ST8SIA2: variants seen among roughly 807,000 people sequenced by gnomAD.
ST8SIA2 encodes the protein ST8 alpha-N-acetyl-neuraminide alpha-2,8-sialyltransferase 2.
In ST8SIA2, 22 loss-of-function variants were observed where a neutral mutation model predicts 37.6. The observed-to-expected ratio is 0.58, with a 90% confidence interval of 0.42 to 0.83. The LOEUF is 0.83. Among genes scored for constraint, ST8SIA2 ranks in the 40% least tolerant of loss-of-function variants. The pLI is 0.00. For synonymous variants in ST8SIA2, 205 were observed against 201.2 expected, an observed-to-expected ratio of 1.02 and a Z score of -0.16; for missense variants, 382 against 484.7, an observed-to-expected ratio of 0.79 and a Z score of 1.99.
At chr15:92,409,258 T>A (rs1175897016) in intron 1 of ST8SIA2, among the ~76,000 whole-genome samples, 16 of 152,110 alleles carry the variant, frequency 1.1e-4, no homozygotes. Flanking sequence ...ACCTCCTCAG[T>A]CTTGTATTAG....
At chr15:92,437,702 G>A (rs1220754851) in intron 3 of ST8SIA2, among the ~76,000 whole-genome samples, 1 of 152,108 alleles carries the variant, frequency 6.6e-6, no homozygotes, top group Non-Finnish European at 1.5e-5. Context: ...CCCCCAGAAA[G>A]CCCCTTTGCA....
At chr15:92,406,586 G>A (rs952151039) in intron 1 of ST8SIA2, among the ~76,000 whole-genome samples, 10 of 152,230 alleles carry the variant, frequency 6.6e-5, no homozygotes, top group African/African-American at 1.9e-4. Flanking sequence ...TCTACAGAGC[G>A]CCTGCCCTAA....
In ST8SIA2 at chr15:92,428,159, A is replaced by T. The variant is rs76589571; in HGVS notation, c.99-1890A>T. Among the ~76,000 whole-genome samples the T allele has an allele frequency of 7.4e-3, 1,132 of 152,250 alleles. 5 individuals are homozygous for T. Among genetic ancestry groups the T allele is most frequent in the Non-Finnish European group, 0.012 (792 of 68,010 alleles). On this transcript the variant is annotated intron_variant, in intron 1 of 5. Transcript: ENST00000268164. ...GTTTTTTTAAATAACTTTGTAATCA[A>T]GACATGAAACCTGATTTCACAGAGG...
At chr15:92,438,718 T>A in intron 4 of ST8SIA2, 108 bp downstream of exon 4, 1 of 1,412,834 alleles carries the variant, frequency 7.1e-7, no homozygotes, top group Non-Finnish European at 9.3e-7. Context: ...CCTGGTGGAG[T>A]TAGCCCCTGC....
rs1312767568 is a variant in ST8SIA2, at chr15:92,438,482, C to T, written c.420C>T (p.Tyr140=). 1.9e-6 allele frequency: 3 copies of T among 1,614,226 alleles called. No individual in the cohort carries two copies. Among genetic ancestry groups the T allele is most frequent in the African/African-American group, 1.3e-5 (1 of 75,066 alleles). The change falls in exon 4 of 6, where the codon TAC becomes TAT. Residue 140 remains tyrosine (Y), a synonymous_variant. Transcript: ENST00000268164. ...CCATGAATGTGTCCCAGAACCTCTA[C>T]GAGCTCCTCCCCAGGACTTCGCCAC... ...DSTMNVSQNL[Y]ELLPRTSPLK... is the part of the protein sequence containing the mutation.
chr15:92,429,376 G>A (rs961481919), intron 1 of ST8SIA2, among the ~76,000 whole-genome samples: 2 of 152,158 alleles, frequency 1.3e-5, no homozygotes, highest in Admixed American at 6.5e-5. Context: ...TGGCAGAACC[G>A]AATAGAGTGT....
At chr15:92,434,430 G>A (rs1661946708) in intron 3 of ST8SIA2, 55 bp downstream of exon 3, 2 of 1,611,918 alleles carry the variant, frequency 1.2e-6, no homozygotes, top group East Asian at 4.5e-5. Context: ...GCATACACGG[G>A]CAAATTGCTT....
intron 5 of ST8SIA2, among the ~76,000 whole-genome samples, chr15:92,462,696 G>C (rs532116197): frequency 6.6e-6 from 1 of 152,180 alleles, no homozygotes; most frequent in East Asian, 1.9e-4. Context: ...GCAAACCATG[G>C]AGTTTGCTTG....
rs748791554 is a variant in ST8SIA2, at chr15:92,459,839, G to A, written c.843-4261G>A. Reference sequence around the variant, plus strand: ...ACTCCTGACCTCAGGTGATCCGCCCGCCTCAGCCTCTCAAAGTAAAATTTT... The same window carrying A: ...ACTCCTGACCTCAGGTGATCCGCCCACCTCAGCCTCTCAAAGTAAAATTTT... On this transcript the variant is annotated intron_variant, in intron 5 of 5. Coordinates refer to ENST00000268164, the MANE Select transcript of ST8SIA2 (RefSeq NM_006011.4). 1.0e-3 allele frequency among the ~76,000 whole-genome samples: 154 copies of A among 152,248 alleles called. 1 individual carries two copies. The highest frequency in any genetic ancestry group is 1.2e-3 in the Non-Finnish European group (79 of 68,012).
At chr15:92,442,297 T>C (rs933620184) in intron 4 of ST8SIA2, among the ~76,000 whole-genome samples, 2 of 152,144 alleles carry the variant, frequency 1.3e-5, no homozygotes, top group Admixed American at 6.5e-5. Flanking sequence ...CCGAGTCCTA[T>C]ACTGAATGAG....
intron 1 of ST8SIA2, among the ~76,000 whole-genome samples, chr15:92,408,458 G>A (rs1367985602): frequency 6.6e-6 from 1 of 152,154 alleles, no homozygotes; most frequent in Non-Finnish European, 1.5e-5. Flanking sequence ...GTGCCTGGTG[G>A]AAAGTAGGTG....
chr15:92,406,161 C>T (rs549149878), intron 1 of ST8SIA2, among the ~76,000 whole-genome samples: 1 of 152,292 alleles, frequency 6.6e-6, no homozygotes, highest in South Asian at 2.1e-4. Context: ...CAGGAAGGAG[C>T]AAGTGAGGTG....
intron 1 of ST8SIA2, among the ~76,000 whole-genome samples, chr15:92,406,318 T>C (rs763495573): frequency 9.2e-5 from 14 of 152,154 alleles, no homozygotes; most frequent in Admixed American, 6.5e-5. Flanking sequence ...AGAATTTGCA[T>C]CTCTAACAGG....
chr15:92,411,562 G>T (rs939783494), intron 1 of ST8SIA2, among the ~76,000 whole-genome samples: 7 of 152,166 alleles, frequency 4.6e-5, no homozygotes, highest in African/African-American at 1.7e-4. Flanking sequence ...ATTTTAAGAG[G>T]CTGAGTTTAT....
intron 1 of ST8SIA2, among the ~76,000 whole-genome samples, chr15:92,419,773 T>C (rs2049618427): frequency 6.6e-6 from 1 of 152,210 alleles, no homozygotes; most frequent in Non-Finnish European, 1.5e-5. Flanking sequence ...TACATATATG[T>C]ATTGCCCTGG....
At chr15:92,442,586 G>C (rs1804839800) in intron 4 of ST8SIA2, among the ~76,000 whole-genome samples, 1 of 152,096 alleles carries the variant, frequency 6.6e-6, no homozygotes, top group Non-Finnish European at 1.5e-5. Flanking sequence ...TTGGCCCCAG[G>C]ACCCTCAGGA....
At chr15:92,451,903 A>T (rs946415988) in intron 5 of ST8SIA2, among the ~76,000 whole-genome samples, 4 of 152,234 alleles carry the variant, frequency 2.6e-5, no homozygotes, top group Non-Finnish European at 5.9e-5. Context: ...ACTAGGAAAT[A>T]GTGATGGCAC....
intron 5 of ST8SIA2, among the ~76,000 whole-genome samples, chr15:92,454,306 T>C (rs1484248496): frequency 1.3e-5 from 2 of 152,062 alleles, no homozygotes; most frequent in Admixed American, 6.6e-5. Flanking sequence ...TGTATGCCTG[T>C]TTCCAAATCC....
chr15:92,444,548 C>T (rs2049826403), intron 4 of ST8SIA2, 88 bp from the exon 5 acceptor site: 5 of 1,544,040 alleles, frequency 3.2e-6, no homozygotes, highest in Non-Finnish European at 4.5e-6. Flanking sequence ...GAGAAAGAAG[C>T]AAGGAGAGGC....
Sources: gnomAD v4.1 joint callset for allele counts (sites outside exome capture counted in the v4.1 genomes callset) on GRCh38, gnomAD v4.1.1 for gene constraint, MANE v1.5 for transcripts, NCBI Gene and HGNC (gene_info 2026-07-23, HGNC 2026-07-21) for gene names.